The following STIMATE variants were observed in gnomAD, a reference collection of about 807,000 sequenced individuals.
STIMATE encodes the protein store-operated calcium entry regulator STIMATE.
A neutral mutation model predicts 36.7 loss-of-function variants in STIMATE; 15 were observed. The ratio of observed to expected loss-of-function variants is 0.41; its 90% CI spans 0.27 to 0.63. STIMATE has a LOEUF of 0.63. Ranked by LOEUF, STIMATE falls within the 20% of genes least tolerant of loss-of-function variation. STIMATE has a pLI of 0.32. For synonymous variants in STIMATE, 163 were observed against 162.3 expected, an observed-to-expected ratio of 1.00 and a Z score of -0.03; for missense variants, 305 against 397.3, an observed-to-expected ratio of 0.77 and a Z score of 1.98.
At chr3:52,850,424 C>G (rs1700977616) in intron 3 of STIMATE, among the ~76,000 whole-genome samples, 1 of 64,910 alleles carries the variant, frequency 1.5e-5, no homozygotes, top group Non-Finnish European at 3.8e-5. Flanking sequence ...CAGCAAGACT[C>G]TGTCTCAAAA....
intron 1 of STIMATE, among the ~76,000 whole-genome samples, chr3:52,859,726 AAAGGAATTATGGATC>A (rs1242677247): frequency 5.9e-5 from 9 of 151,748 alleles, no homozygotes; most frequent in African/African-American, 2.2e-4. Context: ...ACTTTTGATT[AAAGGAATTATGGATC>A]AAGGAATTCA....
rs774234770 is a variant in STIMATE, at chr3:52,849,856, C to A, written c.363G>T (p.Gly121=). The A allele has an allele frequency of 3.7e-6, 6 of 1,613,918 alleles. No homozygotes were observed. Among genetic ancestry groups the A allele is most frequent in the Non-Finnish European group, 5.1e-6 (6 of 1,180,028 alleles). Residue 121 remains glycine (G), a synonymous_variant, in exon 4 of 8, where the codon GGG becomes GGT. Transcript: ENST00000355083. The stretch of plus-strand genomic sequence containing the variant: ...CTACCAGGACGCTGACGGCGCGCAC[C>A]CCCACGTAGATGAGCAGCATGCCCA... ...ATVGMLLIYV[G]VRAVSVLVEW...
chr3:52,881,032 T>C (rs889927928), intron 1 of STIMATE, among the ~76,000 whole-genome samples: 1 of 151,710 alleles, frequency 6.6e-6, no homozygotes, highest in Non-Finnish European at 1.5e-5. Context: ...GTACTAAAAA[T>C]ACAAAATTAG....
At chr3:52,847,052 T>C (rs1013989351) in intron 4 of STIMATE, among the ~76,000 whole-genome samples, 46 of 152,120 alleles carry the variant, frequency 3.0e-4, no homozygotes, top group Non-Finnish European at 2.4e-4. Context: ...TAAGAATGCA[T>C]GTCATGTGCC....
intron 1 of STIMATE, among the ~76,000 whole-genome samples, chr3:52,860,639 G>A (rs1251166864): frequency 1.3e-5 from 2 of 152,170 alleles, no homozygotes; most frequent in Admixed American, 6.5e-5. Flanking sequence ...GCCCACTAGA[G>A]ACAACCACCC....
Position 52,840,343 on chromosome 3 carries a change from A to C in STIMATE, c.*151T>G, listed in dbSNP as rs1371344364. The C allele has an allele frequency of 1.1e-6, 1 of 885,012 alleles. No individual in the cohort carries two copies. Among genetic ancestry groups the C allele is most frequent in the Non-Finnish European group, 1.7e-6 (1 of 591,342 alleles). 54.8% of individuals were successfully genotyped at this position (885,012 alleles called of 1,614,324 possible). ...CTCTTCCCTCTTTTTAAGTCACAGT[A>C]GTCTGGGGGCAGGCGAGAGCGGGCA... On this transcript the variant is annotated 3_prime_UTR_variant, in exon 8 of 8. Coordinates refer to ENST00000355083, the MANE Select transcript of STIMATE (RefSeq NM_198563.5).
At chr3:52,870,401 C>T (rs74704481) in intron 1 of STIMATE, among the ~76,000 whole-genome samples, 4,476 of 152,180 alleles carry the variant, frequency 0.029, 222 homozygotes, top group African/African-American at 0.1. Context: ...ATCTGGCCTG[C>T]GCTTCCCACG....
chr3:52,859,924 A>C (rs933356360), intron 1 of STIMATE, among the ~76,000 whole-genome samples: 1 of 152,034 alleles, frequency 6.6e-6, no homozygotes, highest in Non-Finnish European at 1.5e-5. Flanking sequence ...ACAGCCACAT[A>C]TAGGAGCACC....
intron 1 of STIMATE, among the ~76,000 whole-genome samples, chr3:52,875,586 G>A (rs528091838): frequency 1.3e-5 from 2 of 152,270 alleles, no homozygotes; most frequent in South Asian, 2.1e-4. Context: ...AATGAATAAC[G>A]GGTATGGAGA....
chr3:52,889,127 G>A (rs1189084320), intron 1 of STIMATE, among the ~76,000 whole-genome samples: 1 of 152,200 alleles, frequency 6.6e-6, no homozygotes, highest in African/African-American at 2.4e-5. Context: ...TGCTCAGATG[G>A]GGCTGCAGTA....
chr3:52,840,305 C>A lies in STIMATE; in HGVS notation c.*189G>T, dbSNP rs968605084. ...GACCTCCAGCCGCCAGTGGCCCCCT[C>A]GGGCGCTGGCTCCTCTTCCCTCTTT... On this transcript the variant is annotated 3_prime_UTR_variant, in exon 8 of 8. Transcript: ENST00000355083. 3.8e-5 allele frequency: 23 copies of A among 606,906 alleles called. No individual in the cohort carries two copies. The highest frequency in any genetic ancestry group is 5.8e-5 in the Non-Finnish European group (21 of 364,242). The allele number at this position is 606,906 out of a possible 1,614,324, so 37.6% of individuals were successfully genotyped here.
At chr3:52,884,210 T>G (rs770894009) in intron 1 of STIMATE, among the ~76,000 whole-genome samples, 1 of 151,850 alleles carries the variant, frequency 6.6e-6, no homozygotes, top group South Asian at 2.1e-4. Context: ...GTAACCCTAC[T>G]ACAATCAAGA....
chr3:52,897,056 C>T (rs1701876311), intron 1 of STIMATE, among the ~76,000 whole-genome samples: 1 of 152,106 alleles, frequency 6.6e-6, no homozygotes, highest in Non-Finnish European at 1.5e-5. Context: ...AGACTGGCGT[C>T]TCAAAAGACA....
chr3:52,840,531 A>T lies in STIMATE; in HGVS notation c.848T>A (p.Val283Glu). The change falls in exon 8 of 8, where the codon GTG becomes GAG. Residue 283 changes from valine to glutamate, a missense_variant. Physicochemically the swap from Val to Glu is moderately radical, Grantham distance 121. Around this residue, in one of 3 missense-constraint regions of STIMATE, gnomAD observed 84 missense variants for 82.4 expected, o/e 1.02. Coordinates refer to ENST00000355083, the MANE Select transcript of STIMATE (RefSeq NM_198563.5). ...CCCAAAGCGGTGCTTCTTTTTCTTC[A>T]CAGGCTTGAGGGGGGTCAGTCTGCG... The part of the protein sequence containing the change: ...DLRRLTPLKP[V>E]KKKKHRFGLP... The T allele has an allele frequency of 6.2e-7, 1 of 1,613,914 alleles. No individual in the cohort carries two copies. Among genetic ancestry groups the T allele is most frequent in the Non-Finnish European group, 8.5e-7 (1 of 1,179,958 alleles).
chr3:52,871,021 C>T (rs1701395222), intron 1 of STIMATE, among the ~76,000 whole-genome samples: 1 of 152,064 alleles, frequency 6.6e-6, no homozygotes, highest in Non-Finnish European at 1.5e-5. Flanking sequence ...CCCAATTCCC[C>T]AGCAACCTTC....
chr3:52,844,662 G>A (rs1462430436), intron 5 of STIMATE, among the ~76,000 whole-genome samples, 167 bp downstream of exon 5: 11 of 152,238 alleles, frequency 7.2e-5, no homozygotes, highest in African/African-American at 2.7e-4. Context: ...TGGATGCTAA[G>A]AATTGACAAG....
Position 52,885,117 on chromosome 3 carries a change from G to C in STIMATE, c.160+12174C>G, listed in dbSNP as rs1701669600. 2.0e-5 allele frequency among the ~76,000 whole-genome samples: 3 copies of C among 152,142 alleles called. No homozygotes were observed. In the South Asian group the frequency reaches 6.2e-4, roughly 32 times the overall value. ...TAATTTTAGCCATTCTTGTCTTGTG[G>C]GTATATATTGGTATCTCATCACTAT... On this transcript the variant is annotated intron_variant, in intron 1 of 7. Coordinates refer to ENST00000355083, the MANE Select transcript of STIMATE (RefSeq NM_198563.5).
rs560141486 is a variant in STIMATE, at chr3:52,870,682, G to A, written c.161-15238C>T. Among the ~76,000 whole-genome samples, 27 of 152,276 alleles carry A rather than the reference G, an allele frequency of 1.8e-4. 1 individual carries two copies. In the South Asian group the frequency reaches 5.6e-3, roughly 32 times the overall value. On this transcript the variant is annotated intron_variant, in intron 1 of 7. Coordinates refer to ENST00000355083, the MANE Select transcript of STIMATE (RefSeq NM_198563.5). ...GGCCCCATGGGAGGCAGAGTGGCAGGTGCTCCTCAGGCTGGTCAAGCGAGT... is the reference window on the plus strand; with the variant it reads ...GGCCCCATGGGAGGCAGAGTGGCAGATGCTCCTCAGGCTGGTCAAGCGAGT...
At chr3:52,868,727 A>G (rs1701352718) in intron 1 of STIMATE, among the ~76,000 whole-genome samples, 1 of 152,150 alleles carries the variant, frequency 6.6e-6, no homozygotes, top group African/African-American at 2.4e-5. Flanking sequence ...GGTTCACGTG[A>G]TTCTCCTGCC....
Sources: allele counts gnomAD v4.1 joint callset (sites outside exome capture counted in the v4.1 genomes callset), GRCh38; gene constraint gnomAD v4.1.1; regional missense constraint gnomAD v4.1.1; transcripts MANE v1.5; gene names NCBI Gene and HGNC (gene_info 2026-07-23, HGNC 2026-07-21).